The following CTNNA3 variants were observed in gnomAD, a reference collection of about 807,000 sequenced individuals.
The protein encoded by CTNNA3 is catenin alpha-3.
Under a neutral mutation model 95.7 loss-of-function variants are expected in CTNNA3, and 76 were observed. The ratio of observed to expected loss-of-function variants is 0.79; its 90% CI spans 0.66 to 0.96. The LOEUF is 0.96. CTNNA3 is among the 40% of genes least tolerant of loss of function. The pLI, the probability that CTNNA3 is intolerant of heterozygous loss-of-function variation, is 0.00. For synonymous variants in CTNNA3, 431 were observed against 374.4 expected, an observed-to-expected ratio of 1.15 and a Z score of -1.74; for missense variants, 1,191 against 1,089.8, an observed-to-expected ratio of 1.09 and a Z score of -1.31.
At chr10:66,651,975 T>C (rs1354602098) in intron 9 of CTNNA3, among the ~76,000 whole-genome samples, 1 of 150,836 alleles carries the variant, frequency 6.6e-6, no homozygotes, top group East Asian at 2.0e-4. Flanking sequence ...CAAGGGCTGC[T>C]AGCACGTTGT....
chr10:66,529,447 T>G (rs10997218), intron 10 of CTNNA3, among the ~76,000 whole-genome samples: 4,321 of 82,210 alleles, frequency 0.053, 231 homozygotes, highest in African/African-American at 0.16. Context: ...GTGTTTTTTT[T>G]TTGTTTTTTT....
chr10:66,607,404 A>T (rs566818518), intron 10 of CTNNA3, among the ~76,000 whole-genome samples: 4 of 146,598 alleles, frequency 2.7e-5, no homozygotes, highest in Admixed American at 7.0e-5. Flanking sequence ...TATTGAGGAG[A>T]ATGGACTCCT....
intron 12 of CTNNA3, among the ~76,000 whole-genome samples, chr10:66,336,684 T>C (rs935967355): frequency 3.3e-5 from 5 of 152,072 alleles, no homozygotes; most frequent in African/African-American, 1.2e-4. Flanking sequence ...CACATCTACT[T>C]ACTTTCCAAT....
At chr10:67,052,471 T>C (rs1589666172) in intron 7 of CTNNA3, 1 of 152,098 alleles carries the variant, frequency 6.6e-6, no homozygotes, top group African/African-American at 2.4e-5. Context: ...CTAATCCAAA[T>C]AATATTTCCC....
intron 11 of CTNNA3, among the ~76,000 whole-genome samples, chr10:66,416,115 G>A (rs61187082): frequency 0.22 from 22,334 of 100,722 alleles, 2,562 homozygotes; most frequent in African/African-American, 0.42. Context: ...GATAGATAAC[G>A]TAGAAAAGTA....
At chr10:66,466,375 AT>A (rs1838917512) in intron 11 of CTNNA3, among the ~76,000 whole-genome samples, 2 of 83,878 alleles carry the variant, frequency 2.4e-5, no homozygotes, top group African/African-American at 4.3e-5. Flanking sequence ...CACACACACA[AT>A]CTATTGGTTC....
chr10:66,719,989 C>T lies in CTNNA3; in HGVS notation c.1281+46275G>A, dbSNP rs147303607. 1.1e-4 allele frequency among the ~76,000 whole-genome samples: 16 copies of T among 152,102 alleles called. 1 individual carries two copies. Among genetic ancestry groups the T allele is most frequent in the Admixed American group, 4.6e-4 (7 of 15,280 alleles). On this transcript the variant is annotated intron_variant, in intron 9 of 17. Transcript: ENST00000433211. The stretch of plus-strand genomic sequence containing the variant: ...AGAAAAGGGTAAAGTGGAAGGAAAA[C>T]CTTTTCCTGATGGTTAAGCAGTTCC...
chr10:66,390,375 A>G (rs1265962803), intron 11 of CTNNA3, among the ~76,000 whole-genome samples: 2 of 152,146 alleles, frequency 1.3e-5, no homozygotes, highest in East Asian at 3.9e-4. Context: ...TGATATCTAC[A>G]TACACAAGAA....
At chr10:66,287,254 C>A (rs917829876) in intron 12 of CTNNA3, among the ~76,000 whole-genome samples, 2 of 152,178 alleles carry the variant, frequency 1.3e-5, no homozygotes, top group East Asian at 1.9e-4. Flanking sequence ...ATGATCACAC[C>A]ACTGCAGTTC....
intron 12 of CTNNA3, among the ~76,000 whole-genome samples, chr10:66,345,793 A>T (rs2092503172): frequency 6.6e-6 from 1 of 151,946 alleles, no homozygotes; most frequent in Admixed American, 6.6e-5. Context: ...CCACATCTGA[A>T]ATAATGGCGT....
intron 7 of CTNNA3, among the ~76,000 whole-genome samples, chr10:66,933,713 A>G (rs1847534522): frequency 6.6e-6 from 1 of 152,096 alleles, no homozygotes; most frequent in Admixed American, 6.6e-5. Context: ...TTGAAAAATC[A>G]CTGGATAAAA....
At chr10:66,459,186 CTTA>C (rs2093512710) in intron 11 of CTNNA3, among the ~76,000 whole-genome samples, 1 of 152,060 alleles carries the variant, frequency 6.6e-6, no homozygotes, top group Non-Finnish European at 1.5e-5. Context: ...TATGTTCTTT[CTTA>C]TTATTTTAAT....
At chr10:67,138,351 A>C in intron 7 of CTNNA3, among the ~76,000 whole-genome samples, 1 of 152,220 alleles carries the variant, frequency 6.6e-6, no homozygotes, top group Non-Finnish European at 1.5e-5. Flanking sequence ...GATTTAACAA[A>C]AATAACATTT....
intron 16 of CTNNA3, among the ~76,000 whole-genome samples, chr10:65,972,436 C>T (rs1286287566): frequency 6.6e-6 from 1 of 152,044 alleles, no homozygotes; most frequent in Non-Finnish European, 1.5e-5. Context: ...ACCCAGAAAA[C>T]ATAAAATACT....
intron 9 of CTNNA3, among the ~76,000 whole-genome samples, chr10:66,764,286 A>C (rs1267746480): frequency 6.6e-6 from 1 of 152,146 alleles, no homozygotes; most frequent in African/African-American, 2.4e-5. Context: ...TTTAAAACAA[A>C]TTCTTAGAGC....
chr10:67,579,012 T>G (rs1000801977), intron 3 of CTNNA3, among the ~76,000 whole-genome samples: 10 of 72,690 alleles, frequency 1.4e-4, no homozygotes, highest in Non-Finnish European at 2.2e-4. Flanking sequence ...TATATATATA[T>G]ATATATATAT....
chr10:67,208,829 C>A (rs1461729169), intron 6 of CTNNA3, among the ~76,000 whole-genome samples: 1 of 151,750 alleles, frequency 6.6e-6, no homozygotes, highest in Non-Finnish European at 1.5e-5. Context: ...ATTAATTAAT[C>A]TAGACATGAA....
chr10:66,005,618 G>A (rs7076854), intron 15 of CTNNA3, among the ~76,000 whole-genome samples: 146,350 of 152,180 alleles, frequency 0.96, 70,505 homozygotes, highest in East Asian at 1. Context: ...CTCCTTCCCC[G>A]ATACACTACA....
At chr10:66,091,419 C>G (rs938478964) in intron 14 of CTNNA3, among the ~76,000 whole-genome samples, 1 of 151,870 alleles carries the variant, frequency 6.6e-6, no homozygotes, top group Non-Finnish European at 1.5e-5. Flanking sequence ...CTGCACAGGT[C>G]TCTTTTCCCA....
Sources: allele counts gnomAD v4.1 joint callset (sites outside exome capture counted in the v4.1 genomes callset), GRCh38; gene constraint gnomAD v4.1.1; transcripts MANE v1.5; gene names NCBI Gene and HGNC (gene_info 2026-07-23, HGNC 2026-07-21).